Variants in AFAP1L2 observed in about 807,000 individuals in gnomAD.
The protein encoded by AFAP1L2 is actin filament-associated protein 1-like 2.
Under a neutral mutation model 99.3 loss-of-function variants are expected in AFAP1L2, and 46 were observed. That is an observed-to-expected ratio of 0.46 (90% CI 0.37 to 0.59). The LOEUF is 0.59. AFAP1L2 is among the 20% of genes least tolerant of loss of function. The pLI is 0.00. For synonymous variants in AFAP1L2, 397 were observed against 419.1 expected, an observed-to-expected ratio of 0.95 and a Z score of 0.64; for missense variants, 959 against 1,034.9, an observed-to-expected ratio of 0.93 and a Z score of 1.01.
At chr10:114,339,560 G>A (rs78362264) in intron 2 of AFAP1L2, among the ~76,000 whole-genome samples, 3,006 of 152,342 alleles carry the variant, frequency 0.02, 105 homozygotes, top group African/African-American at 0.067. Flanking sequence ...CATTGTTATG[G>A]GGTGAAGTGT....
At chr10:114,364,585 A>G (rs2052928459) in intron 1 of AFAP1L2, among the ~76,000 whole-genome samples, 1 of 152,206 alleles carries the variant, frequency 6.6e-6, no homozygotes, top group Non-Finnish European at 1.5e-5. Flanking sequence ...TCACGGGATA[A>G]GTGCCCGCCC....
chr10:114,362,947 C>T (rs771114380), intron 1 of AFAP1L2: 90 of 985,172 alleles, frequency 9.1e-5, no homozygotes, highest in East Asian at 2.3e-4. Flanking sequence ...ATAACACTCA[C>T]GAAAAGCTGA....
chr10:114,386,608 C>T (rs568682893), intron 1 of AFAP1L2, among the ~76,000 whole-genome samples: 1 of 152,126 alleles, frequency 6.6e-6, no homozygotes, highest in African/African-American at 2.4e-5. Flanking sequence ...ATGAATGTGT[C>T]CCAAGCAGCC....
At chr10:114,286,337 C>A in the AFAP1L2 span, 1 of 1,613,060 alleles carries the variant, frequency 6.2e-7, no homozygotes, top group Admixed American at 1.7e-5. Context: ...GGGCCCAGCG[C>A]GTCACGCAAG....
At chr10:114,328,465 G>T (rs1411572630) in intron 4 of AFAP1L2, among the ~76,000 whole-genome samples, 1 of 152,166 alleles carries the variant, frequency 6.6e-6, no homozygotes, top group East Asian at 1.9e-4. Flanking sequence ...GAGGAAGGGC[G>T]GGTTTTCTGT....
intron 8 of AFAP1L2, among the ~76,000 whole-genome samples, chr10:114,308,782 G>T (rs868509258): frequency 6.6e-6 from 1 of 152,220 alleles, no homozygotes; most frequent in African/African-American, 2.4e-5. Flanking sequence ...ATTAGAGTCT[G>T]CATCCCCTAT....
downstream of AFAP1L2, among the ~76,000 whole-genome samples, chr10:114,292,699 C>T (rs1589864605): frequency 6.6e-6 from 1 of 151,452 alleles, no homozygotes; most frequent in African/African-American, 2.4e-5. Context: ...TGACTCCAGA[C>T]ACTTTATCGT....
chr10:114,398,710 C>T, intron 1 of AFAP1L2: 1 of 660,850 alleles, frequency 1.5e-6, no homozygotes, highest in South Asian at 1.8e-5. Flanking sequence ...ATCCCGAGCC[C>T]CTGAGTGCCC....
intron 5 of AFAP1L2, among the ~76,000 whole-genome samples, chr10:114,320,934 C>T (rs2045156075): frequency 6.6e-6 from 1 of 152,194 alleles, no homozygotes; most frequent in South Asian, 2.1e-4. Flanking sequence ...CTGGCACCAC[C>T]TCGCATGCTC....
At chr10:114,283,940 A>T in the AFAP1L2 span, among the ~76,000 whole-genome samples, 1 of 152,260 alleles carries the variant, frequency 6.6e-6, no homozygotes, top group Non-Finnish European at 1.5e-5. Context: ...GTAAGCAAAA[A>T]GGACAAGAAA....
chr10:114,354,123 G>A (rs755638739), intron 1 of AFAP1L2, among the ~76,000 whole-genome samples: 2 of 152,148 alleles, frequency 1.3e-5, no homozygotes, highest in African/African-American at 2.4e-5. Flanking sequence ...CCAGAACCTA[G>A]AGGCCAAAAT....
chr10:114,283,327 G>A, the AFAP1L2 span, among the ~76,000 whole-genome samples: 2 of 151,122 alleles, frequency 1.3e-5, no homozygotes, highest in Non-Finnish European at 3.0e-5. Context: ...GCAGGGTAGC[G>A]AGCAGTTAGA....
chr10:114,335,103 AG>A (rs1487966466), intron 2 of AFAP1L2, among the ~76,000 whole-genome samples: 6 of 152,242 alleles, frequency 3.9e-5, no homozygotes, highest in Non-Finnish European at 8.8e-5. Flanking sequence ...TATAACAGCA[AG>A]TCACCTTTAA....
chr10:114,294,110 C>T, downstream of AFAP1L2, among the ~76,000 whole-genome samples: 1 of 152,196 alleles, frequency 6.6e-6, no homozygotes, highest in Non-Finnish European at 1.5e-5. Context: ...CATTGAACAA[C>T]CCTTGATTTT....
chr10:114,396,619 C>G (rs1281166694), intron 1 of AFAP1L2, among the ~76,000 whole-genome samples: 2 of 152,206 alleles, frequency 1.3e-5, no homozygotes, highest in Non-Finnish European at 2.9e-5. Context: ...AATTATCCTG[C>G]AGACTTGATT....
the AFAP1L2 span, among the ~76,000 whole-genome samples, chr10:114,283,752 G>A: frequency 1.3e-5 from 2 of 152,364 alleles, no homozygotes; most frequent in African/African-American, 4.8e-5. Flanking sequence ...CATAATAGAT[G>A]CTCAGTTAAA....
At chr10:114,301,077 CCTCCA>C (rs971505933) in intron 13 of AFAP1L2, among the ~76,000 whole-genome samples, 1 of 152,152 alleles carries the variant, frequency 6.6e-6, no homozygotes, top group Admixed American at 6.5e-5. Context: ...CCTACTGGTA[CCTCCA>C]CTCCCAATCC....
intron 10 of AFAP1L2, among the ~76,000 whole-genome samples, chr10:114,305,895 C>T (rs74210741): frequency 7.4e-5 from 5 of 67,658 alleles, no homozygotes; most frequent in African/African-American, 1.2e-4. Flanking sequence ...CAGGAGGGGA[C>T]GCGGGTGCAG....
chr10:114,319,496 C>T (rs1225345070), intron 5 of AFAP1L2: 5 of 1,199,176 alleles, frequency 4.2e-6, no homozygotes, highest in East Asian at 1.1e-4. Context: ...GGGACATGCA[C>T]ACATCTTTGA....
Sources: gnomAD v4.1 joint callset for allele counts (sites outside exome capture counted in the v4.1 genomes callset) on GRCh38, gnomAD v4.1.1 for gene constraint, MANE v1.5 for transcripts, NCBI Gene and HGNC (gene_info 2026-07-23, HGNC 2026-07-21) for gene names.